Variants in CHN1 observed in about 807,000 individuals in gnomAD.
CHN1 encodes the protein chimerin 1, also known as N-chimaerin.
CHN1 carries 37 observed loss-of-function variants against 59.5 expected under a neutral mutation model. The observed-to-expected ratio is 0.62, with a 90% CI of 0.48 to 0.82. The LOEUF is 0.82. CHN1 is among the 40% of genes least tolerant of loss of function. The pLI, the probability that CHN1 is intolerant of heterozygous loss-of-function variation, is 0.00. For synonymous variants in CHN1, 206 were observed against 200.4 expected (o/e 1.03, Z -0.24); for missense variants, 469 against 571.0 (o/e 0.82, Z 1.82).
intron 11 of CHN1, among the ~76,000 whole-genome samples, chr2:174,804,251 G>C (rs1015263970): frequency 6.6e-6 from 1 of 152,078 alleles, no homozygotes; most frequent in Non-Finnish European, 1.5e-5. Context: ...TGAGGGGAGA[G>C]TACGCCTATA....
intron 11 of CHN1, 115 bp downstream of exon 11, chr2:174,808,790 A>G: frequency 9.1e-7 from 1 of 1,101,396 alleles, no homozygotes; most frequent in South Asian, 1.4e-5. Flanking sequence ...TTAACCATAG[A>G]GAGAGGCAAA....
chr2:174,968,646 C>G (rs1190654924), intron 1 of CHN1, among the ~76,000 whole-genome samples: 4 of 152,222 alleles, frequency 2.6e-5, no homozygotes, highest in Non-Finnish European at 5.9e-5. Context: ...TATGAAAGAT[C>G]TGGGGCTGTA....
At chr2:174,884,518 A>T (rs1453116526) in intron 5 of CHN1, among the ~76,000 whole-genome samples, 1 of 152,174 alleles carries the variant, frequency 6.6e-6, no homozygotes, top group Non-Finnish European at 1.5e-5. Flanking sequence ...TAATATAACC[A>T]GTACCTGCAA....
chr2:174,828,564 T>C (rs1210021605), intron 7 of CHN1, among the ~76,000 whole-genome samples: 3 of 152,232 alleles, frequency 2.0e-5, no homozygotes, highest in Admixed American at 6.5e-5. Flanking sequence ...CTGTTTCCTA[T>C]AGATAATTCT....
intron 3 of CHN1, among the ~76,000 whole-genome samples, chr2:174,943,943 T>C (rs1689749293): frequency 6.6e-6 from 1 of 152,204 alleles, no homozygotes; most frequent in Non-Finnish European, 1.5e-5. Flanking sequence ...TGGCATGAGC[T>C]GCTTTGCCTG....
intron 1 of CHN1, among the ~76,000 whole-genome samples, chr2:174,988,122 G>GC (rs1228848194): frequency 6.0e-5 from 9 of 150,320 alleles, no homozygotes; most frequent in Admixed American, 2.0e-4. Flanking sequence ...CACTTTGGGA[G>GC]CCAAGGCGGG....
intron 2 of CHN1, among the ~76,000 whole-genome samples, chr2:174,947,225 G>A (rs1269555427): frequency 6.6e-6 from 1 of 152,014 alleles, no homozygotes; most frequent in Non-Finnish European, 1.5e-5. Flanking sequence ...GAGCCACTAT[G>A]AAAAAAAGGG....
intron 5 of CHN1, among the ~76,000 whole-genome samples, chr2:174,910,925 GA>G (rs1362366310): frequency 3.8e-5 from 5 of 132,354 alleles, no homozygotes; most frequent in African/African-American, 1.4e-4. Context: ...AAAAAAAAAA[GA>G]GAAAGTAGAT....
chr2:174,927,081 T>G (rs1396584732), intron 3 of CHN1, among the ~76,000 whole-genome samples: 4 of 152,094 alleles, frequency 2.6e-5, no homozygotes, highest in Non-Finnish European at 5.9e-5. Context: ...TTCAAATTCC[T>G]TCCTCCTTCC....
chr2:174,848,391 G>T (rs1275965395), intron 6 of CHN1, among the ~76,000 whole-genome samples: 1 of 132,960 alleles, frequency 7.5e-6, no homozygotes, highest in Non-Finnish European at 1.7e-5. Context: ...CTTGACTTAG[G>T]AGCAATACCT....
intron 5 of CHN1, among the ~76,000 whole-genome samples, chr2:174,905,281 T>C (rs1447675698): frequency 1.3e-5 from 2 of 152,160 alleles, no homozygotes; most frequent in African/African-American, 4.8e-5. Context: ...TAGTTCTTCT[T>C]TGCAAAGTAG....
chr2:174,953,969 G>A (rs1027496016), intron 1 of CHN1, among the ~76,000 whole-genome samples: 18 of 152,064 alleles, frequency 1.2e-4, no homozygotes, highest in Non-Finnish European at 2.4e-4. Flanking sequence ...AACCAAAAGA[G>A]AGCCTGCACA....
intron 5 of CHN1, among the ~76,000 whole-genome samples, chr2:174,903,440 T>C (rs1003673486): frequency 1.3e-5 from 2 of 152,174 alleles, no homozygotes; most frequent in South Asian, 2.1e-4. Context: ...TATGCACATA[T>C]GCCATAAAAA....
intron 3 of CHN1, among the ~76,000 whole-genome samples, chr2:174,927,248 G>C (rs1049327967): frequency 3.3e-5 from 5 of 152,088 alleles, no homozygotes; most frequent in African/African-American, 1.2e-4. Flanking sequence ...GGTTTACACA[G>C]GATTTTGCCA....
rs535883248 is a variant in CHN1 at position 174,835,899 on chromosome 2, G to A, written c.627+10981C>T. On this transcript the variant is annotated intron_variant, in intron 7 of 12. Transcript: ENST00000409900. ...AGTGGGCAGAATGAGTCTTCAGTGA[G>A]TTTCAGCCATTGTTTAGCCTATTGC... Among the ~76,000 whole-genome samples, 39 of 152,232 alleles carry A rather than the reference G, an allele frequency of 2.6e-4. 1 individual carries two copies. The East Asian group carries it at 5.2e-3, about 20-fold the overall frequency.
chr2:174,920,182 G>A (rs991673165), intron 3 of CHN1, among the ~76,000 whole-genome samples: 2 of 152,128 alleles, frequency 1.3e-5, no homozygotes, highest in Non-Finnish European at 2.9e-5. Context: ...GGAATATACA[G>A]TATTCCATTA....
intron 1 of CHN1, among the ~76,000 whole-genome samples, chr2:174,969,563 CTGTTTCTTCG>C (rs757251428): frequency 3.9e-5 from 6 of 152,180 alleles, no homozygotes; most frequent in Non-Finnish European, 5.9e-5. Flanking sequence ...TTCCACCTAG[CTGTTTCTTCG>C]GTCTAGAATC....
At chr2:174,892,894 C>CT (rs1688097060) in intron 5 of CHN1, among the ~76,000 whole-genome samples, 1 of 152,092 alleles carries the variant, frequency 6.6e-6, no homozygotes, top group Non-Finnish European at 1.5e-5. Context: ...GGAAAAGTAT[C>CT]TAACTAAATT....
At chr2:174,932,357 T>A (rs1689375146) in intron 3 of CHN1, among the ~76,000 whole-genome samples, 1 of 152,210 alleles carries the variant, frequency 6.6e-6, no homozygotes, top group African/African-American at 2.4e-5. Flanking sequence ...GCAAGCAGGA[T>A]TTAAGTTGGC....
Sources: gnomAD v4.1 joint callset for allele counts (sites outside exome capture counted in the v4.1 genomes callset) on GRCh38, gnomAD v4.1.1 for gene constraint, MANE v1.5 for transcripts, NCBI Gene and HGNC (gene_info 2026-07-23, HGNC 2026-07-21) for gene names.